The following SHC3 variants were observed in gnomAD, a reference collection of about 807,000 sequenced individuals.
SHC3 encodes the protein SHC adaptor protein 3.
A neutral mutation model predicts 60.4 loss-of-function variants in SHC3; 15 were observed. That is an observed-to-expected ratio of 0.25 (90% CI 0.17 to 0.38). The LOEUF (loss-of-function observed/expected upper bound fraction) is 0.38, where lower values mean the gene tolerates loss of function less well. Ranked by LOEUF, SHC3 falls within the 10% of genes least tolerant of loss-of-function variation. SHC3 has a pLI of 1.00. For synonymous variants in SHC3, 294 were observed against 325.9 expected (o/e 0.90, Z 1.05); for missense variants, 677 against 786.1 (o/e 0.86, Z 1.66).
chr9:89,083,763 C>G (rs553968709), intron 2 of SHC3, among the ~76,000 whole-genome samples: 2 of 152,152 alleles, frequency 1.3e-5, no homozygotes, highest in Non-Finnish European at 2.9e-5. Flanking sequence ...GACGGCCTCT[C>G]TCTTTTTCTC....
chr9:89,112,655 G>T, intron 1 of SHC3, 29 bp from the exon 2 acceptor site: 1 of 1,561,472 alleles, frequency 6.4e-7, no homozygotes, highest in Non-Finnish European at 8.6e-7. Context: ...TAAATCGTGA[G>T]CCCTGAGATT....
intron 1 of SHC3, among the ~76,000 whole-genome samples, chr9:89,166,873 C>T (rs773153409): frequency 9.2e-5 from 14 of 152,118 alleles, no homozygotes; most frequent in South Asian, 4.1e-4. Context: ...GTACTAAAAA[C>T]GCAGCACCTT....
chr9:89,082,142 C>T, intron 2 of SHC3, among the ~76,000 whole-genome samples: 1 of 152,188 alleles, frequency 6.6e-6, no homozygotes, highest in Non-Finnish European at 1.5e-5. Context: ...CGAGCACCTC[C>T]CCTCCAGGGC....
intron 2 of SHC3, among the ~76,000 whole-genome samples, chr9:89,093,049 T>A (rs1373245098): frequency 6.6e-6 from 1 of 152,224 alleles, no homozygotes; most frequent in Non-Finnish European, 1.5e-5. Context: ...AAAGAATGCT[T>A]CTATGAACAT....
chr9:89,136,768 C>T (rs973987259), intron 1 of SHC3, among the ~76,000 whole-genome samples: 9 of 152,078 alleles, frequency 5.9e-5, no homozygotes, highest in Admixed American at 3.9e-4. Flanking sequence ...CTTTCTTGTG[C>T]GAGATCCAAG....
intron 1 of SHC3, among the ~76,000 whole-genome samples, chr9:89,129,552 A>G (rs549384932): frequency 1.3e-5 from 2 of 152,190 alleles, no homozygotes; most frequent in African/African-American, 2.4e-5. Context: ...GACTAACAGC[A>G]GATCTCTCGG....
intron 6 of SHC3, among the ~76,000 whole-genome samples, chr9:89,059,843 TGTGGTGGAGGATG>T (rs745326805): frequency 0.073 from 9,135 of 125,520 alleles, 511 homozygotes; most frequent in Non-Finnish European, 0.1. Flanking sequence ...TCATATAGGA[TGTGGTGGAGGATG>T]GTGGTGGAGG....
chr9:89,144,287 G>A (rs1236049347), intron 1 of SHC3, among the ~76,000 whole-genome samples: 1 of 152,210 alleles, frequency 6.6e-6, no homozygotes, highest in African/African-American at 2.4e-5. Flanking sequence ...CAACAGGAAT[G>A]TATTCATGTG....
intron 2 of SHC3, among the ~76,000 whole-genome samples, chr9:89,111,278 C>G (rs1564152165): frequency 6.6e-6 from 1 of 152,218 alleles, no homozygotes; most frequent in Non-Finnish European, 1.5e-5. Context: ...AAAACTATCA[C>G]CACACAGGAG....
intron 2 of SHC3, among the ~76,000 whole-genome samples, chr9:89,097,453 T>G (rs560622254): frequency 6.6e-6 from 1 of 152,214 alleles, no homozygotes; most frequent in Non-Finnish European, 1.5e-5. Flanking sequence ...GTGACTTCCA[T>G]CCTACTAAGC....
At chr9:89,028,724 A>AGATAATCTATATCTATATAG (rs1319359339) in intron 11 of SHC3, among the ~76,000 whole-genome samples, 14 of 144,274 alleles carry the variant, frequency 9.7e-5, no homozygotes, top group African/African-American at 3.6e-4. Flanking sequence ...CTATATAGAG[A>AGATAATCTATATCTATATAG]ATATATATTC....
intron 2 of SHC3, among the ~76,000 whole-genome samples, chr9:89,100,730 A>T (rs1440303085): frequency 6.6e-6 from 1 of 152,228 alleles, no homozygotes; most frequent in African/African-American, 2.4e-5. Flanking sequence ...AAAGGGAATC[A>T]CATAGTATGA....
intron 1 of SHC3, among the ~76,000 whole-genome samples, chr9:89,171,506 T>C (rs1435668592): frequency 6.6e-6 from 1 of 152,246 alleles, no homozygotes; most frequent in Non-Finnish European, 1.5e-5. Context: ...TTTTTCTGCC[T>C]ATTCAATAGA....
intron 5 of SHC3, among the ~76,000 whole-genome samples, 173 bp from the exon 6 acceptor site, chr9:89,065,753 A>G (rs1459293460): frequency 6.6e-6 from 1 of 152,118 alleles, no homozygotes; most frequent in East Asian, 1.9e-4. Context: ...TAATGTGGGT[A>G]GCAACCACCC....
At chr9:89,096,508 G>C (rs1825703775) in intron 2 of SHC3, among the ~76,000 whole-genome samples, 1 of 152,128 alleles carries the variant, frequency 6.6e-6, no homozygotes. Context: ...ACTCATAAGA[G>C]GAAAATGAAG....
chr9:89,109,917 C>T, intron 2 of SHC3: 1 of 985,410 alleles, frequency 1.0e-6, no homozygotes, highest in Non-Finnish European at 1.2e-6. Context: ...ATTCAGTCCA[C>T]TCATGCACTG....
intron 2 of SHC3, among the ~76,000 whole-genome samples, chr9:89,096,998 C>T (rs1825712211): frequency 6.6e-6 from 1 of 151,128 alleles, no homozygotes; most frequent in Non-Finnish European, 1.5e-5. Flanking sequence ...CAGGGTCCAC[C>T]AGAGAGGGCG....
intron 1 of SHC3, among the ~76,000 whole-genome samples, chr9:89,149,775 G>A (rs1027249435): frequency 2.0e-5 from 3 of 152,156 alleles, no homozygotes; most frequent in African/African-American, 4.8e-5. Context: ...TGTGGTTTCA[G>A]TTCCCCACAA....
chr9:89,143,518 T>C (rs753326765), intron 1 of SHC3, among the ~76,000 whole-genome samples: 1 of 152,188 alleles, frequency 6.6e-6, no homozygotes, highest in Non-Finnish European at 1.5e-5. Flanking sequence ...TTGCTCTGGT[T>C]CAAATGCCTC....
Sources: allele counts gnomAD v4.1 joint callset (sites outside exome capture counted in the v4.1 genomes callset), GRCh38; gene constraint gnomAD v4.1.1; transcripts MANE v1.5; gene names NCBI Gene and HGNC (gene_info 2026-07-23, HGNC 2026-07-21).